The following ADAMTS14 variants were observed in gnomAD, a reference collection of about 807,000 sequenced individuals.
The protein encoded by ADAMTS14 is ADAM metallopeptidase with thrombospondin type 1 motif 14.
A neutral mutation model predicts 128.6 loss-of-function variants in ADAMTS14; 100 were observed. The ratio of observed to expected loss-of-function variants is 0.78; its 90% CI spans 0.66 to 0.92. The LOEUF is 0.92. Ranked by LOEUF, ADAMTS14 falls within the 40% of genes least tolerant of loss-of-function variation. The pLI is 0.00. For missense variants in ADAMTS14, 1,562 were observed against 1,658.6 expected, an observed-to-expected ratio of 0.94 and a Z score of 1.01; for synonymous variants, 665 against 653.8, an observed-to-expected ratio of 1.02 and a Z score of -0.26.
At chr10:70,712,808 A>C (rs1840903422) in intron 4 of ADAMTS14, among the ~76,000 whole-genome samples, 1 of 152,236 alleles carries the variant, frequency 6.6e-6, no homozygotes, top group Admixed American at 6.5e-5. Context: ...AGGCCTGACC[A>C]GGTGTGAGGA....
intron 2 of ADAMTS14, among the ~76,000 whole-genome samples, chr10:70,679,453 T>C (rs994600914): frequency 6.6e-6 from 1 of 152,034 alleles, no homozygotes; most frequent in Non-Finnish European, 1.5e-5. Context: ...GGGAGGAACA[T>C]GGGGTGGGGA....
chr10:70,758,194 G>T lies in ADAMTS14; in HGVS notation c.3087G>T (p.Thr1029=). The stretch of plus-strand genomic sequence containing the variant: ...TCACAGGAAATCACCAGAACTCCAC[G>T]GTGAGGGCCGATGTCTGGGAACTTG... The part of the protein sequence containing the change: ...PACGGNHQNS[T]VRADVWELGT... Residue 1029 remains threonine (T), a synonymous_variant, in exon 21 of 22, where the codon ACG becomes ACT. Coordinates refer to ENST00000373207, the MANE Select transcript of ADAMTS14 (RefSeq NM_080722.4). 1 of 1,614,210 alleles carries T rather than the reference G, an allele frequency of 6.2e-7. No individual in the cohort carries two copies. The highest frequency in any genetic ancestry group is 1.3e-5 in the African/African-American group (1 of 75,064).
rs1485349305 is a variant in ADAMTS14, at chr10:70,743,569, T to C, written c.1946T>C (p.Ile649Thr). 1 of 1,612,306 alleles carries C rather than the reference T, an allele frequency of 6.2e-7. No individual in the cohort carries two copies. The highest frequency in any genetic ancestry group is 1.7e-5 in the Admixed American group (1 of 59,474). The stretch of plus-strand genomic sequence containing the variant: ...ACAGACGCCCAGAAGTGTGAGCTGA[T>C]CTGCCAGTCGGCGGACACGGGGGAC... ...PDDDAQKCELICQSADTGDVV... is the reference protein window; with the variant it reads ...PDDDAQKCELTCQSADTGDVV... Residue 649 changes from isoleucine to threonine, a missense_variant, in exon 13 of 22, where the codon ATC becomes ACC. Coordinates refer to ENST00000373207, the MANE Select transcript of ADAMTS14 (RefSeq NM_080722.4).
In ADAMTS14 at chr10:70,674,603, T is replaced by G; in HGVS notation, c.130T>G (p.Cys44Gly). Residue 44 changes from cysteine (C) to glycine (G), a missense_variant, in exon 2 of 22, where the codon TGC (cysteine) becomes GGC (glycine). Coordinates refer to ENST00000373207, the MANE Select transcript of ADAMTS14 (RefSeq NM_080722.4). ...KLSDYGVTVP[C>G]STDFRGRFLS... The stretch of plus-strand genomic sequence containing the variant: ...CAGTGACTATGGTGTGACAGTGCCC[T>G]GCAGCACAGACTTTCGGGGACGCTT... The G allele has an allele frequency of 6.2e-7, 1 of 1,614,024 alleles. No homozygotes were observed. Among genetic ancestry groups the G allele is most frequent in the Non-Finnish European group, 8.5e-7 (1 of 1,180,012 alleles).
intron 2 of ADAMTS14, among the ~76,000 whole-genome samples, chr10:70,688,014 G>A (rs1187725416): frequency 4.9e-5 from 3 of 60,638 alleles, no homozygotes; most frequent in Non-Finnish European, 1.0e-4. Context: ...GGGCGGAGAC[G>A]CTCCTCACTT....
rs190719563 is a variant in ADAMTS14, at chr10:70,760,879, C to T, written c.*26C>T. Reference sequence around the variant, plus strand: ...GCTGTGCCCTGCCATCCCACTGGCACGTTTACACTCTGTGTACTGCCCCGT... The same window carrying T: ...GCTGTGCCCTGCCATCCCACTGGCATGTTTACACTCTGTGTACTGCCCCGT... On this transcript the variant is annotated 3_prime_UTR_variant, in exon 22 of 22. Coordinates refer to ENST00000373207, the MANE Select transcript of ADAMTS14 (RefSeq NM_080722.4). 6.9e-5 allele frequency: 107 copies of T among 1,542,692 alleles called. No homozygotes were observed. In the African/African-American group the frequency reaches 9.0e-4, roughly 13 times the overall value.
intron 4 of ADAMTS14, among the ~76,000 whole-genome samples, chr10:70,716,891 A>G (rs1841069057): frequency 6.6e-6 from 1 of 152,100 alleles, no homozygotes; most frequent in Admixed American, 6.5e-5. Context: ...CCTGCCTCCT[A>G]TATGTCTTTT....
At chr10:70,688,624 G>A (rs1372724126) in intron 2 of ADAMTS14, among the ~76,000 whole-genome samples, 13 of 105,568 alleles carry the variant, frequency 1.2e-4, no homozygotes, top group East Asian at 2.4e-4. Context: ...CCGGCACCTC[G>A]GGAGGCCGAG....
chr10:70,755,636 C>A (rs2185351), intron 19 of ADAMTS14, among the ~76,000 whole-genome samples: 1 of 152,216 alleles, frequency 6.6e-6, no homozygotes, highest in African/African-American at 2.4e-5. Context: ...CCTGGGGTCA[C>A]GAGTTCAAGA....
intron 2 of ADAMTS14, among the ~76,000 whole-genome samples, chr10:70,688,054 GCTCCTCACTT>G (rs1292418881): frequency 1.9e-5 from 1 of 52,316 alleles, no homozygotes; most frequent in African/African-American, 7.4e-5. Flanking sequence ...GGGCGGAGAG[GCTCCTCACTT>G]CTCAGACGGG....
chr10:70,753,226 A>C (rs1369108817), intron 18 of ADAMTS14, among the ~76,000 whole-genome samples: 1 of 152,172 alleles, frequency 6.6e-6, no homozygotes, highest in African/African-American at 2.4e-5. Flanking sequence ...TAATGCACCC[A>C]GTGGGCATGC....
At chr10:70,718,786 A>T (rs891238353) in intron 4 of ADAMTS14, among the ~76,000 whole-genome samples, 2 of 151,166 alleles carry the variant, frequency 1.3e-5, no homozygotes, top group African/African-American at 4.9e-5. Flanking sequence ...GGCTCAAGGG[A>T]TCCTCCTGAC....
chr10:70,697,993 C>G (rs1174093882), intron 2 of ADAMTS14, among the ~76,000 whole-genome samples: 1 of 152,168 alleles, frequency 6.6e-6, no homozygotes, highest in Non-Finnish European at 1.5e-5. Context: ...GGAGTTTAGC[C>G]CAGCTGAGAG....
At chr10:70,699,405 G>A (rs1840429584) in intron 2 of ADAMTS14, among the ~76,000 whole-genome samples, 1 of 152,176 alleles carries the variant, frequency 6.6e-6, no homozygotes, top group Non-Finnish European at 1.5e-5. Flanking sequence ...TGGAAAGTAG[G>A]GAAGTGTGTT....
intron 11 of ADAMTS14, 85 bp from the exon 12 acceptor site, chr10:70,740,902 C>T: frequency 1.4e-6 from 2 of 1,407,026 alleles, no homozygotes; most frequent in Non-Finnish European, 2.0e-6. Context: ...AATGGCTGAG[C>T]TGCTCCTGGT....
At position 70,708,579 on chromosome 10, in the gene ADAMTS14, TGG is replaced by T; in HGVS notation, c.680-8_680-7del. 6.3e-7 allele frequency: 1 copy of T among 1,596,848 alleles called. No individual in the cohort carries two copies. The highest frequency in any genetic ancestry group is 8.6e-7 in the Non-Finnish European group (1 of 1,167,002). ...GTTGGACCTCACTCTCTTCCTGTCT[TGG>T]TTCCAGCCTTTGGCCTGGGAGACCT... On this transcript the variant is annotated splice_polypyrimidine_tract_variant and splice_region_variant and intron_variant, in intron 3 of 21. Transcript: ENST00000373207.
At chr10:70,732,159 A>G in intron 6 of ADAMTS14, 95 bp from the exon 7 acceptor site, 2 of 1,088,452 alleles carry the variant, frequency 1.8e-6, no homozygotes, top group Non-Finnish European at 2.8e-6. Flanking sequence ...CACTCCAAGC[A>G]CTGACCAGAG....
At chr10:70,749,702 G>C in intron 15 of ADAMTS14, 120 bp from the exon 16 acceptor site, 1 of 1,307,312 alleles carries the variant, frequency 7.6e-7, no homozygotes, top group South Asian at 1.5e-5. Context: ...GGGTGGGAAG[G>C]AAAGGCCGGT....
chr10:70,695,589 G>A (rs1840310635), intron 2 of ADAMTS14, among the ~76,000 whole-genome samples: 1 of 152,190 alleles, frequency 6.6e-6, no homozygotes, highest in South Asian at 2.1e-4. Flanking sequence ...AAAAGACCTA[G>A]ATCACTGAGC....
Sources: gnomAD v4.1 joint callset for allele counts (sites outside exome capture counted in the v4.1 genomes callset) on GRCh38, gnomAD v4.1.1 for gene constraint, MANE v1.5 for transcripts, NCBI Gene and HGNC (gene_info 2026-07-23, HGNC 2026-07-21) for gene names.